ZNF254: variants seen among roughly 807,000 people sequenced by gnomAD.
ZNF254 encodes zinc finger protein 254.
A neutral mutation model predicts 12.4 loss-of-function variants in ZNF254; 10 were observed. The observed-to-expected ratio is 0.80, with a 90% CI of 0.50 to 1.36. The LOEUF is 1.36. ZNF254 is among the 40% of genes most tolerant of loss of function. The pLI is 0.00. For synonymous variants in ZNF254, 305 were observed against 253.4 expected, an observed-to-expected ratio of 1.20 and a Z score of -1.93; for missense variants, 996 against 763.9, an observed-to-expected ratio of 1.30 and a Z score of -3.58.
At chr19:24,071,626 T>C (rs1971484596) in intron 2 of ZNF254, among the ~76,000 whole-genome samples, 1 of 152,196 alleles carries the variant, frequency 6.6e-6, no homozygotes, top group Non-Finnish European at 1.5e-5. Context: ...TCAGGAAGTA[T>C]TGTGCCATAT....
chr19:24,069,432 C>A (rs58520349), intron 2 of ZNF254, among the ~76,000 whole-genome samples: 1 of 148,602 alleles, frequency 6.7e-6, no homozygotes, highest in African/African-American at 2.5e-5. Context: ...CATGGTGAAA[C>A]CCCATCTCTA....
chr19:24,104,633 C>CT (rs1973226005), intron 1 of ZNF254: 1 of 152,098 alleles, frequency 6.6e-6, no homozygotes, highest in Non-Finnish European at 1.5e-5. Flanking sequence ...ATACAAGAAT[C>CT]TTCTCTACAT....
chr19:24,055,611 A>G (rs754693150), intron 2 of ZNF254, among the ~76,000 whole-genome samples: 5 of 152,102 alleles, frequency 3.3e-5, no homozygotes, highest in South Asian at 2.1e-4. Flanking sequence ...CACCCATCAA[A>G]AAGTATACAT....
rs1246388844 is a variant in ZNF254, at chr19:24,118,672, T to C, written c.254-7582T>C. ...TAGGAGGCCTTATCCCTCTATTAAATGTTTACTTACATATGCAGAAATTTG... is the reference window on the plus strand; with the variant it reads ...TAGGAGGCCTTATCCCTCTATTAAACGTTTACTTACATATGCAGAAATTTG... On this transcript the variant is annotated intron_variant, in intron 3 of 3. Coordinates refer to ENST00000357002, the MANE Select transcript of ZNF254 (RefSeq NM_203282.4). 2.0e-5 allele frequency among the ~76,000 whole-genome samples: 3 copies of C among 152,092 alleles called. No individual in the cohort carries two copies. The East Asian group carries it at 5.8e-4, about 29-fold the overall frequency.
intron 2 of ZNF254, among the ~76,000 whole-genome samples, chr19:24,057,700 G>C (rs1970913778): frequency 6.6e-6 from 1 of 152,238 alleles, no homozygotes; most frequent in Non-Finnish European, 1.5e-5. Flanking sequence ...AGTGAATCCA[G>C]TCCAAAGTTA....
chr19:24,127,141 T>G lies in ZNF254; in HGVS notation c.1141T>G (p.Leu381Val), dbSNP rs1974923604. Residue 381 changes from leucine (L) to valine (V), a missense_variant, in exon 4 of 4, where the codon TTA becomes GTA. By Grantham distance (32) the Leu-to-Val change is conservative. Transcript: ENST00000357002. ...TACTGGAGAGAAACGCTACAAATGC[T>G]TAGAATGTGGCAAAGCTTTTAAGCA... ...IHTGEKRYKC[L>V]ECGKAFKQLS... The G allele has an allele frequency of 6.2e-7, 1 of 1,610,282 alleles. No homozygotes were observed. The highest frequency in any genetic ancestry group is 8.5e-7 in the Non-Finnish European group (1 of 1,178,882).
intron 1 of ZNF254, among the ~76,000 whole-genome samples, chr19:24,091,287 A>T (rs1022409507): frequency 1.3e-5 from 2 of 150,678 alleles, no homozygotes; most frequent in African/African-American, 4.9e-5. Context: ...TAGCTTTTAG[A>T]ATGGTAGCTA....
intron 1 of ZNF254, among the ~76,000 whole-genome samples, chr19:24,090,683 T>C (rs1208751224): frequency 6.6e-6 from 1 of 152,178 alleles, no homozygotes; most frequent in Admixed American, 6.5e-5. Context: ...GTGACTCACC[T>C]GCCTGAGCCT....
chr19:24,033,673 G>A (rs1350609458), intron 1 of ZNF254: 6 of 320,060 alleles, frequency 1.9e-5, no homozygotes, highest in Non-Finnish European at 6.2e-6. Flanking sequence ...CTGTGAAACC[G>A]GCGGGACTGC....
chr19:24,098,854 C>T (rs1175921585), intron 1 of ZNF254: 1 of 152,082 alleles, frequency 6.6e-6, no homozygotes, highest in Non-Finnish European at 1.5e-5. Context: ...TGCTGGAAAT[C>T]CAGCAGTATT....
At chr19:24,101,767 A>T (rs1212754639) in intron 1 of ZNF254, among the ~76,000 whole-genome samples, 1 of 152,324 alleles carries the variant, frequency 6.6e-6, no homozygotes, top group African/African-American at 2.4e-5. Flanking sequence ...ATGCTCTCAC[A>T]ATCACCTAGG....
At chr19:24,053,621 T>C (rs2145332615) in intron 2 of ZNF254, among the ~76,000 whole-genome samples, 1 of 152,266 alleles carries the variant, frequency 6.6e-6, no homozygotes, top group Non-Finnish European at 1.5e-5. Context: ...GATTGTAATA[T>C]ATTGCTGGGT....
At chr19:24,100,122 C>T (rs1378845890) in intron 1 of ZNF254, among the ~76,000 whole-genome samples, 1 of 152,120 alleles carries the variant, frequency 6.6e-6, no homozygotes, top group Admixed American at 6.5e-5. Flanking sequence ...CAGATTTCTA[C>T]AAACTTTATA....
chr19:24,070,916 A>G (rs377060392), intron 2 of ZNF254, among the ~76,000 whole-genome samples: 3 of 152,150 alleles, frequency 2.0e-5, no homozygotes, highest in African/African-American at 7.2e-5. Context: ...CTATTGTAAC[A>G]TATTGCTGGG....
At chr19:24,115,774 C>A (rs1384465240) in intron 3 of ZNF254, among the ~76,000 whole-genome samples, 1 of 152,126 alleles carries the variant, frequency 6.6e-6, no homozygotes. Context: ...TTAGTTGATG[C>A]AGTGTCTTTC....
At chr19:24,037,730 C>T (rs557426849) in intron 1 of ZNF254, among the ~76,000 whole-genome samples, 6 of 152,298 alleles carry the variant, frequency 3.9e-5, no homozygotes, top group Admixed American at 3.3e-4. Flanking sequence ...CTGCCTTAAC[C>T]TCCTGAGTAG....
At chr19:24,043,584 AC>A (rs1385123608) in intron 1 of ZNF254, among the ~76,000 whole-genome samples, 2 of 152,074 alleles carry the variant, frequency 1.3e-5, no homozygotes, top group Non-Finnish European at 2.9e-5. Context: ...TTTAAGAAAC[AC>A]CCGATTCAGT....
chr19:24,129,117 C>T lies in ZNF254; in HGVS notation c.*1137C>T, dbSNP rs888039762. On this transcript the variant is annotated 3_prime_UTR_variant, in exon 4 of 4. Coordinates refer to ENST00000357002, the MANE Select transcript of ZNF254 (RefSeq NM_203282.4). ...TGAGGAAAATTTAGGTAGAGAGGCT[C>T]TTTGTGGTTAACTTATAATATTGAG... The T allele has an allele frequency of 6.6e-6, 1 of 151,758 alleles. No individual in the cohort carries two copies. Among genetic ancestry groups the T allele is most frequent in the Admixed American group, 6.6e-5 (1 of 15,232 alleles). The allele number at this position is 151,758 out of a possible 1,614,324, so 9.4% of individuals were successfully genotyped here. A position where few individuals can be genotyped will look rare whatever the true frequency, so the allele number is the denominator to read the frequency against.
chr19:24,087,126 G>C (rs1972069771), upstream of ZNF254: 4 of 672,320 alleles, frequency 5.9e-6, no homozygotes, highest in Admixed American at 1.1e-4. Flanking sequence ...ACGTTGGGCT[G>C]GGAACTGTCC....
Sources: gnomAD v4.1 joint callset for allele counts (sites outside exome capture counted in the v4.1 genomes callset) on GRCh38, gnomAD v4.1.1 for gene constraint, MANE v1.5 for transcripts, NCBI Gene and HGNC (gene_info 2026-07-23, HGNC 2026-07-21) for gene names.